MARCHF1: variants seen among roughly 807,000 people sequenced by gnomAD.
MARCHF1 encodes membrane associated ring-CH-type finger 1, also known as E3 ubiquitin-protein ligase MARCHF1.
A neutral mutation model predicts 54.2 loss-of-function variants in MARCHF1; 40 were observed. That is an observed-to-expected ratio of 0.74 (90% CI 0.57 to 0.96). The LOEUF is 0.96. MARCHF1 is among the 40% of genes least tolerant of loss of function. The pLI is 0.00. For synonymous variants in MARCHF1, 236 were observed against 236.3 expected (o/e 1.00, Z 0.01); for missense variants, 586 against 656.5 (o/e 0.89, Z 1.17).
rs1738112705 is a variant in MARCHF1, at chr4:163,526,572, T to C, written c.*2176A>G. 1.3e-5 allele frequency: 2 copies of C among 152,206 alleles called. No individual in the cohort carries two copies. The highest frequency in any genetic ancestry group is 2.1e-4 in the South Asian group (1 of 4,826). The allele number at this position is 152,206 out of a possible 1,614,324, so 9.4% of individuals were successfully genotyped here. A position where few individuals can be genotyped will look rare whatever the true frequency, so the allele number is the denominator to read the frequency against. The stretch of plus-strand genomic sequence containing the variant: ...ATGGTTAAATCACCCACAGATTTGT[T>C]ATTCATAAATGTATTTATCTTAAAT... On this transcript the variant is annotated 3_prime_UTR_variant, in exon 10 of 10. Transcript: ENST00000514618.
At chr4:163,552,617 A>T (rs917614313) in intron 8 of MARCHF1, among the ~76,000 whole-genome samples, 1 of 152,178 alleles carries the variant, frequency 6.6e-6, no homozygotes, top group African/African-American at 2.4e-5. Context: ...GCTGTTTGAC[A>T]GGATCATTTG....
chr4:163,602,335 A>G (rs193136790), intron 7 of MARCHF1, among the ~76,000 whole-genome samples: 9 of 152,256 alleles, frequency 5.9e-5, no homozygotes, highest in African/African-American at 2.2e-4. Context: ...CAAGGAAACA[A>G]ATTAGTTTGA....
intron 9 of MARCHF1, among the ~76,000 whole-genome samples, chr4:163,533,057 G>A (rs1300659125): frequency 2.0e-5 from 3 of 152,006 alleles, no homozygotes; most frequent in African/African-American, 7.2e-5. Context: ...GCACACAAAT[G>A]TTTGTAGCAG....
At chr4:163,888,989 T>A (rs566956810) in intron 3 of MARCHF1, among the ~76,000 whole-genome samples, 1 of 152,278 alleles carries the variant, frequency 6.6e-6, no homozygotes, top group African/African-American at 2.4e-5. Flanking sequence ...ATAAATTATA[T>A]CGATTATTAT....
chr4:164,065,839 G>C (rs1057018581), intron 2 of MARCHF1, among the ~76,000 whole-genome samples: 1 of 152,182 alleles, frequency 6.6e-6, no homozygotes, highest in African/African-American at 2.4e-5. Context: ...GTCCAGGGCA[G>C]GAGAAATGGA....
At chr4:164,075,418 T>C (rs1289801063) in intron 2 of MARCHF1, among the ~76,000 whole-genome samples, 2 of 152,180 alleles carry the variant, frequency 1.3e-5, no homozygotes, top group Non-Finnish European at 2.9e-5. Flanking sequence ...ACTCATGTCC[T>C]CAATAATCAC....
chr4:163,926,047 G>T (rs898947621), intron 3 of MARCHF1, among the ~76,000 whole-genome samples: 1 of 141,466 alleles, frequency 7.1e-6, no homozygotes. Context: ...TTAAATTAAG[G>T]TATTACATAT....
intron 3 of MARCHF1, among the ~76,000 whole-genome samples, chr4:163,984,077 A>AT (rs1407364083): frequency 6.6e-6 from 1 of 151,862 alleles, no homozygotes; most frequent in Non-Finnish European, 1.5e-5. Flanking sequence ...AAAAAGCCAT[A>AT]TTTTTTCCAG....
intron 2 of MARCHF1, among the ~76,000 whole-genome samples, chr4:164,045,763 T>C (rs1338244133): frequency 6.6e-6 from 1 of 151,636 alleles, no homozygotes; most frequent in Admixed American, 6.6e-5. Context: ...CCTGATTTTC[T>C]TCTGGCATTC....
At chr4:163,948,867 A>G (rs1238934227) in intron 3 of MARCHF1, among the ~76,000 whole-genome samples, 1 of 152,246 alleles carries the variant, frequency 6.6e-6, no homozygotes, top group East Asian at 1.9e-4. Flanking sequence ...TGATTACTAC[A>G]ACAAGTTGAA....
At chr4:163,979,123 A>G (rs1289420444) in intron 3 of MARCHF1, among the ~76,000 whole-genome samples, 1 of 120,824 alleles carries the variant, frequency 8.3e-6, no homozygotes, top group Non-Finnish European at 1.7e-5. Context: ...TGCACCCACT[A>G]ACTCGTCATC....
At chr4:164,184,503 C>T (rs906298528) in intron 1 of MARCHF1, among the ~76,000 whole-genome samples, 1 of 152,180 alleles carries the variant, frequency 6.6e-6, no homozygotes, top group Admixed American at 6.5e-5. Context: ...ACACTCTGCA[C>T]TGATGGACGT....
At chr4:163,929,911 T>A (rs1751617618) in intron 3 of MARCHF1, among the ~76,000 whole-genome samples, 1 of 114,778 alleles carries the variant, frequency 8.7e-6, no homozygotes, top group Non-Finnish European at 1.7e-5. Flanking sequence ...ATATTGGAAA[T>A]ATATATAATA....
chr4:164,183,763 C>T (rs1730894156), intron 1 of MARCHF1, among the ~76,000 whole-genome samples: 2 of 152,018 alleles, frequency 1.3e-5, no homozygotes, highest in Non-Finnish European at 2.9e-5. Context: ...AACCATAACC[C>T]GGATTCAAAT....
In MARCHF1 at chr4:163,526,321, T is replaced by A. The variant is rs1213933989; in HGVS notation, c.*2427A>T. On this transcript the variant is annotated 3_prime_UTR_variant, in exon 10 of 10. Transcript: ENST00000514618. ...ATCTTGTTTAGGTTCGTACAGAATT[T>A]AAACAATATTTTCCATGTTAATTAA... 1 of 152,130 alleles carries A rather than the reference T, an allele frequency of 6.6e-6. No homozygotes were observed. The highest frequency in any genetic ancestry group is 1.5e-5 in the Non-Finnish European group (1 of 67,966). 9.4% of individuals were successfully genotyped at this position (152,130 alleles called of 1,614,324 possible). A position where few individuals can be genotyped will look rare whatever the true frequency, so the allele number is the denominator to read the frequency against.
chr4:164,323,330 C>A (rs1735189136), intron 1 of MARCHF1, among the ~76,000 whole-genome samples: 1 of 151,450 alleles, frequency 6.6e-6, no homozygotes, highest in Admixed American at 6.6e-5. Flanking sequence ...AAAACACTAT[C>A]TGAGAATAAT....
intron 9 of MARCHF1, among the ~76,000 whole-genome samples, chr4:163,535,732 T>C (rs754094240): frequency 1.3e-5 from 2 of 149,842 alleles, no homozygotes; most frequent in South Asian, 2.1e-4. Flanking sequence ...AGAGAGTCCA[T>C]GCATTTGGAA....
intron 4 of MARCHF1, among the ~76,000 whole-genome samples, chr4:163,778,406 T>C (rs972688130): frequency 6.6e-6 from 1 of 152,190 alleles, no homozygotes; most frequent in Non-Finnish European, 1.5e-5. Context: ...ATTCTAGTGG[T>C]ATGTGGTACC....
chr4:164,116,300 C>T (rs1755938102), intron 1 of MARCHF1, among the ~76,000 whole-genome samples: 1 of 152,114 alleles, frequency 6.6e-6, no homozygotes, highest in African/African-American at 2.4e-5. Context: ...CCTAACTATG[C>T]ATGCTGTACT....
Sources: gnomAD v4.1 joint callset for allele counts (sites outside exome capture counted in the v4.1 genomes callset) on GRCh38, gnomAD v4.1.1 for gene constraint, MANE v1.5 for transcripts, NCBI Gene and HGNC (gene_info 2026-07-23, HGNC 2026-07-21) for gene names.